The following ZNF804B variants were observed in gnomAD, a reference collection of about 807,000 sequenced individuals.
The protein encoded by ZNF804B is zinc finger 804B.
Under a neutral mutation model 101.4 loss-of-function variants are expected in ZNF804B, and 80 were observed. That is an observed-to-expected ratio of 0.79 (90% confidence interval 0.66 to 0.95). The LOEUF is 0.95. Among genes scored for constraint, ZNF804B ranks in the 40% least tolerant of loss-of-function variants. The pLI, the probability that ZNF804B is intolerant of heterozygous loss-of-function variation, is 0.00. For synonymous variants in ZNF804B, 622 were observed against 558.8 expected (o/e 1.11, Z -1.59); for missense variants, 1,673 against 1,561.9 (o/e 1.07, Z -1.20).
Position 89,196,944 on chromosome 7 carries a change from C to G in ZNF804B, c.109-21211C>G, listed in dbSNP as rs113011481. Among the ~76,000 whole-genome samples, 777 of 152,098 alleles carry G rather than the reference C, an allele frequency of 5.1e-3. 7 individuals carry two copies. The highest frequency in any genetic ancestry group is 0.018 in the African/African-American group (753 of 41,516). On this transcript the variant is annotated intron_variant, in intron 1 of 3. Coordinates refer to ENST00000333190, the MANE Select transcript of ZNF804B (RefSeq NM_181646.5). ...GAGCATCTCACGCCAATCAGAATGGCTATTAGTAAAAAGTCAAAAAACAAC... is the reference window on the plus strand; with the variant it reads ...GAGCATCTCACGCCAATCAGAATGGGTATTAGTAAAAAGTCAAAAAACAAC...
intron 1 of ZNF804B, among the ~76,000 whole-genome samples, chr7:89,097,150 C>T (rs980975687): frequency 6.6e-6 from 1 of 152,178 alleles, no homozygotes; most frequent in Admixed American, 6.5e-5. Context: ...CAGACCACAC[C>T]TCATCTTGCT....
intron 1 of ZNF804B, among the ~76,000 whole-genome samples, chr7:88,868,673 T>G (rs1791773415): frequency 6.6e-6 from 1 of 152,256 alleles, no homozygotes; most frequent in Non-Finnish European, 1.5e-5. Flanking sequence ...TTTTTATTCA[T>G]GTTTCCCATT....
At chr7:88,975,308 C>G (rs1793601244) in intron 1 of ZNF804B, among the ~76,000 whole-genome samples, 1 of 151,334 alleles carries the variant, frequency 6.6e-6, no homozygotes, top group Non-Finnish European at 1.5e-5. Context: ...TGTGGGATTG[C>G]TAGACCATAT....
intron 1 of ZNF804B, among the ~76,000 whole-genome samples, chr7:88,897,649 A>G (rs1792310909): frequency 6.6e-6 from 1 of 152,178 alleles, no homozygotes; most frequent in Admixed American, 6.5e-5. Context: ...TCAGAGTCTC[A>G]GCTAAATTAA....
intron 2 of ZNF804B, among the ~76,000 whole-genome samples, chr7:89,270,713 C>G (rs537919131): frequency 6.6e-6 from 1 of 152,220 alleles, no homozygotes; most frequent in Non-Finnish European, 1.5e-5. Flanking sequence ...GACTATTTTT[C>G]CATTTGTTTG....
intron 1 of ZNF804B, among the ~76,000 whole-genome samples, chr7:89,114,624 T>C (rs953344421): frequency 5.9e-5 from 9 of 152,170 alleles, no homozygotes; most frequent in African/African-American, 2.2e-4. Context: ...GATTCACTCA[T>C]AGAGAATTTA....
At chr7:89,152,688 A>G (rs188053665) in intron 1 of ZNF804B, among the ~76,000 whole-genome samples, 140 of 152,296 alleles carry the variant, frequency 9.2e-4, no homozygotes, top group African/African-American at 2.8e-3. Context: ...TTTTTAAAAT[A>G]AAATATATAG....
At position 89,334,525 on chromosome 7, in the gene ZNF804B, C is replaced by G. The variant is rs759187242; in HGVS notation, c.1543C>G (p.Gln515Glu). ...GGAATTGAAGACTAAAAGAGAGAGCCAAGTCTCAGGTTTAACTGAAGACCA... is the reference window on the plus strand; with the variant it reads ...GGAATTGAAGACTAAAAGAGAGAGCGAAGTCTCAGGTTTAACTGAAGACCA... ...PLELKTKRES[Q>E]VSGLTEDQQK... Residue 515 changes from glutamine (Q) to glutamate (E), a missense_variant, in exon 4 of 4, where the codon CAA becomes GAA. Transcript: ENST00000333190. 2 of 1,613,446 alleles carry G rather than the reference C, an allele frequency of 1.2e-6. No homozygotes were observed. The highest frequency in any genetic ancestry group is 1.7e-6 in the Non-Finnish European group (2 of 1,179,816).
At chr7:88,913,659 G>C (rs1339844217) in intron 1 of ZNF804B, among the ~76,000 whole-genome samples, 3 of 152,162 alleles carry the variant, frequency 2.0e-5, no homozygotes, top group Non-Finnish European at 4.4e-5. Flanking sequence ...GCCTCCCAAA[G>C]TGCTGGGATT....
intron 1 of ZNF804B, among the ~76,000 whole-genome samples, chr7:88,942,197 A>G (rs980639940): frequency 6.6e-6 from 1 of 151,876 alleles, no homozygotes; most frequent in African/African-American, 2.4e-5. Flanking sequence ...AAAAATCCCC[A>G]AATTCATCAA....
intron 1 of ZNF804B, among the ~76,000 whole-genome samples, chr7:89,131,915 T>C (rs990121): frequency 0.24 from 36,525 of 151,778 alleles, 6,145 homozygotes; most frequent in African/African-American, 0.49. Context: ...TAAAACCTAA[T>C]TGGATAATTT....
intron 1 of ZNF804B, among the ~76,000 whole-genome samples, chr7:89,079,799 T>G (rs1342093499): frequency 6.6e-6 from 1 of 151,896 alleles, no homozygotes; most frequent in Non-Finnish European, 1.5e-5. Flanking sequence ...GGAAAAGCTT[T>G]CCAAATAAAG....
At chr7:88,803,908 G>A (rs1790645935) in intron 1 of ZNF804B, among the ~76,000 whole-genome samples, 1 of 152,066 alleles carries the variant, frequency 6.6e-6, no homozygotes, top group African/African-American at 2.4e-5. Flanking sequence ...TCCAGTTTTA[G>A]GGAGTAGGCA....
intron 1 of ZNF804B, among the ~76,000 whole-genome samples, chr7:88,833,957 A>G (rs1170660525): frequency 6.6e-6 from 1 of 151,944 alleles, no homozygotes; most frequent in East Asian, 1.9e-4. Flanking sequence ...GGTAGAGTAC[A>G]ATTAAAAAAA....
chr7:89,119,282 T>G lies in ZNF804B; in HGVS notation c.109-98873T>G, dbSNP rs77651998. Among the ~76,000 whole-genome samples the G allele has an allele frequency of 9.0e-3, 1,368 of 152,214 alleles. 24 individuals carry two copies. Among genetic ancestry groups the G allele is most frequent in the African/African-American group, 0.031 (1,293 of 41,528 alleles). ...ATGACAGAAAAATTACAACAGAACA[T>G]TTCAAAAGGTCAGTTACAGCCATCA... On this transcript the variant is annotated intron_variant, in intron 1 of 3. Transcript: ENST00000333190.
chr7:89,108,653 G>A (rs1790171050), intron 1 of ZNF804B, among the ~76,000 whole-genome samples: 1 of 152,108 alleles, frequency 6.6e-6, no homozygotes, highest in South Asian at 2.1e-4. Flanking sequence ...GATCCTATTG[G>A]ATGTGGCAAG....
At chr7:88,857,039 G>T (rs890732574) in intron 1 of ZNF804B, among the ~76,000 whole-genome samples, 33 of 151,994 alleles carry the variant, frequency 2.2e-4, no homozygotes, top group Admixed American at 9.2e-4. Flanking sequence ...TTGCATCCAT[G>T]TTCATCAGGG....
At chr7:88,874,730 A>G (rs1202049466) in intron 1 of ZNF804B, among the ~76,000 whole-genome samples, 8 of 152,182 alleles carry the variant, frequency 5.3e-5, no homozygotes, top group Non-Finnish European at 7.3e-5. Flanking sequence ...TGAGATAATC[A>G]TGAATATTAG....
At chr7:89,048,924 A>G (rs577946977) in intron 1 of ZNF804B, among the ~76,000 whole-genome samples, 3 of 152,032 alleles carry the variant, frequency 2.0e-5, no homozygotes, top group African/African-American at 7.3e-5. Flanking sequence ...TGGAATTTGT[A>G]TGACAACTTA....
Sources: gnomAD v4.1 joint callset for allele counts (sites outside exome capture counted in the v4.1 genomes callset) on GRCh38, gnomAD v4.1.1 for gene constraint, MANE v1.5 for transcripts, NCBI Gene and HGNC (gene_info 2026-07-23, HGNC 2026-07-21) for gene names.